The following ABL2 variants were observed in gnomAD, a reference collection of about 807,000 sequenced individuals.
The protein encoded by ABL2 is ABL proto-oncogene 2, non-receptor tyrosine kinase, also known as tyrosine-protein kinase ABL2.
Under a neutral mutation model 107.7 loss-of-function variants are expected in ABL2, and 49 were observed. That is an observed-to-expected ratio of 0.45 (90% confidence interval 0.36 to 0.58). The LOEUF is 0.58. Ranked by LOEUF, ABL2 falls within the 20% of genes least tolerant of loss-of-function variation. The probability of loss-of-function intolerance (pLI) is 0.00; values close to 1 mark genes in which losing one functional copy is unlikely to be tolerated. For synonymous variants in ABL2, 549 were observed against 548.6 expected, an observed-to-expected ratio of 1.00 and a Z score of -0.01; for missense variants, 1,245 against 1,457.0, an observed-to-expected ratio of 0.85 and a Z score of 2.37.
At chr1:179,134,556 C>CACCT (rs540462618) in intron 1 of ABL2, among the ~76,000 whole-genome samples, 38 of 152,232 alleles carry the variant, frequency 2.5e-4, no homozygotes, top group Admixed American at 2.4e-3. Context: ...CATCTGCGAA[C>CACCT]ACCTACTTTC....
Position 179,100,311 on chromosome 1 carries a change from C to T in ABL2, c.*7407G>A, listed in dbSNP as rs1424730531. Reference sequence around the variant, plus strand: ...TCTCTGTCCCCTGGCGTTCTTGCCACTCACAATACCTGGTATGGTACTTCT... The same window carrying T: ...TCTCTGTCCCCTGGCGTTCTTGCCATTCACAATACCTGGTATGGTACTTCT... On this transcript the variant is annotated 3_prime_UTR_variant, in exon 12 of 12. Coordinates refer to ENST00000502732, the MANE Select transcript of ABL2 (RefSeq NM_007314.4). The T allele has an allele frequency of 4.4e-6, 1 of 228,154 alleles. No homozygotes were observed. The highest frequency in any genetic ancestry group is 2.2e-5 in the African/African-American group (1 of 45,054). The allele number at this position is 228,154 out of a possible 1,614,324, so 14.1% of individuals were successfully genotyped here.
At chr1:179,185,131 A>T (rs1250036691) in intron 1 of ABL2, among the ~76,000 whole-genome samples, 1 of 152,144 alleles carries the variant, frequency 6.6e-6, no homozygotes, top group African/African-American at 2.4e-5. Flanking sequence ...AGCATTTACC[A>T]ATATGCATCT....
At chr1:179,135,504 C>T (rs538330515) in intron 1 of ABL2, among the ~76,000 whole-genome samples, 31 of 151,408 alleles carry the variant, frequency 2.0e-4, no homozygotes, top group African/African-American at 5.1e-4. Context: ...GCAGCCGCCC[C>T]GTCTGAGAAG....
At chr1:179,178,807 G>A (rs1488285286) in intron 1 of ABL2, among the ~76,000 whole-genome samples, 2 of 152,082 alleles carry the variant, frequency 1.3e-5, no homozygotes, top group East Asian at 3.9e-4. Context: ...TGAAGTAGGA[G>A]AATTGCTTGA....
intron 1 of ABL2, chr1:179,142,857 A>G: frequency 6.5e-7 from 1 of 1,530,232 alleles, no homozygotes; most frequent in South Asian, 1.2e-5. Context: ...GATAAGATGA[A>G]TTTTTTGAAA....
chr1:179,168,328 GATA>G (rs1221857829), intron 1 of ABL2, among the ~76,000 whole-genome samples: 1 of 151,994 alleles, frequency 6.6e-6, no homozygotes, highest in Non-Finnish European at 1.5e-5. Context: ...CTAGATTACT[GATA>G]ATATCTAATA....
intron 1 of ABL2, chr1:179,184,671 G>T: frequency 2.1e-6 from 1 of 473,148 alleles, no homozygotes; most frequent in South Asian, 2.2e-5. Context: ...AGGAAGGACA[G>T]TAGGGTGAAG....
chr1:179,229,318 G>C lies in ABL2; in HGVS notation c.80C>G (p.Ala27Gly). Reference sequence around the variant, plus strand: ...CCGCCTGCGGCCGGAGGGCCTGGCTGCACTGCTGCCCCGGATCCCGCGGGG... The same window carrying C: ...CCGCCTGCGGCCGGAGGGCCTGGCTCCACTGCTGCCCCGGATCCCGCGGGG... ...PQPRGIRGSSAARPSGRRRDP... is the reference protein window; with the variant it reads ...PQPRGIRGSSGARPSGRRRDP... Residue 27 changes from alanine to glycine, a missense_variant, in exon 1 of 12, where the codon GCA becomes GGA. Ala to Gly is a moderately conservative substitution (Grantham distance 60, BLOSUM62 0). Around this residue, in one of 3 missense-constraint regions of ABL2, gnomAD observed 164 missense variants for 143.7 expected, o/e 1.14. Coordinates refer to ENST00000502732, the MANE Select transcript of ABL2 (RefSeq NM_007314.4). The C allele has an allele frequency of 6.3e-7, 1 of 1,585,572 alleles. No individual in the cohort carries two copies. Among genetic ancestry groups the C allele is most frequent in the Non-Finnish European group, 8.6e-7 (1 of 1,168,496 alleles).
intron 1 of ABL2, among the ~76,000 whole-genome samples, chr1:179,156,934 A>T (rs1044609053): frequency 6.8e-6 from 1 of 147,812 alleles, no homozygotes; most frequent in Non-Finnish European, 1.5e-5. Context: ...AATAAATAAA[A>T]CTCTATTAAA....
intron 1 of ABL2, among the ~76,000 whole-genome samples, chr1:179,205,183 C>T (rs754801346): frequency 6.6e-6 from 1 of 152,104 alleles, no homozygotes; most frequent in Non-Finnish European, 1.5e-5. Context: ...TGTGCCACCA[C>T]ACCCAGCTAA....
At chr1:179,121,185 C>G (rs986239801) in intron 5 of ABL2, among the ~76,000 whole-genome samples, 1 of 152,086 alleles carries the variant, frequency 6.6e-6, no homozygotes, top group Non-Finnish European at 1.5e-5. Flanking sequence ...AAGAAGTGAT[C>G]TAACTGCAAA....
At chr1:179,136,249 C>T (rs61821677) in intron 1 of ABL2, among the ~76,000 whole-genome samples, 2 of 150,950 alleles carry the variant, frequency 1.3e-5, no homozygotes, top group Admixed American at 6.6e-5. Flanking sequence ...ATGACAATGG[C>T]GGTTTTGTGG....
intron 1 of ABL2, among the ~76,000 whole-genome samples, chr1:179,149,320 G>C (rs749318011): frequency 6.6e-6 from 1 of 152,216 alleles, no homozygotes; most frequent in East Asian, 1.9e-4. Flanking sequence ...AGAAAAGTTT[G>C]AAGGTAGCAG....
In ABL2 at chr1:179,229,628, CCCAACGCCGCCGCCGCCG is replaced by C; in HGVS notation, c.-249_-232del. On this transcript the variant is annotated 5_prime_UTR_variant, in exon 1 of 12. Coordinates refer to ENST00000502732, the MANE Select transcript of ABL2 (RefSeq NM_007314.4). ...CCTCCTCCTGTCGCGGCTCCGCGCC[CCCAACGCCGCCGCCGCCG>C]CCGCCGCCACCGCCGCCGCCATCTT... is the stretch of plus-strand genomic sequence containing the variant. The C allele has an allele frequency of 4.2e-6, 2 of 481,172 alleles. No homozygotes were observed. Among genetic ancestry groups the C allele is most frequent in the South Asian group, 3.0e-5 (1 of 32,826 alleles). The allele number at this position is 481,172 out of a possible 1,614,324, so 29.8% of individuals were successfully genotyped here.
At chr1:179,190,224 C>A (rs945295658) in intron 1 of ABL2, among the ~76,000 whole-genome samples, 1 of 152,118 alleles carries the variant, frequency 6.6e-6, no homozygotes, top group African/African-American at 2.4e-5. Context: ...ACTTCAGATG[C>A]CATTTCTGAT....
chr1:179,163,657 G>A (rs1659211149), intron 1 of ABL2, among the ~76,000 whole-genome samples: 1 of 152,204 alleles, frequency 6.6e-6, no homozygotes, highest in Non-Finnish European at 1.5e-5. Flanking sequence ...TGAGGCAGGA[G>A]AATCGCTTGA....
chr1:179,110,440 A>G lies in ABL2; in HGVS notation c.1667T>C (p.Leu556Pro). ...AGATGACGAGGAGGCGGCTCTCCCAAGCTCCTCAGCTACCTCTGTGAGGAA... is the reference window on the plus strand; with the variant it reads ...AGATGACGAGGAGGCGGCTCTCCCAGGCTCCTCAGCTACCTCTGTGAGGAA... ...SSISEEVAEE[L>P]GRAASSSSVV... Residue 556 changes from leucine (L) to proline (P), a missense_variant, in exon 11 of 12, where the codon CTT (leucine) becomes CCT (proline). Leu to Pro is a moderately conservative substitution (Grantham distance 98, BLOSUM62 -3). Around this residue, in one of 3 missense-constraint regions of ABL2, gnomAD observed 761 missense variants for 766.4 expected, o/e 0.99. Transcript: ENST00000502732. The G allele has an allele frequency of 6.2e-7, 1 of 1,613,122 alleles. No homozygotes were observed. The highest frequency in any genetic ancestry group is 8.5e-7 in the Non-Finnish European group (1 of 1,179,752).
chr1:179,197,484 A>G (rs1198392297), intron 1 of ABL2, among the ~76,000 whole-genome samples: 4 of 151,790 alleles, frequency 2.6e-5, no homozygotes, highest in Non-Finnish European at 5.9e-5. Flanking sequence ...TCAATTCACC[A>G]ATACATTATA....
intron 1 of ABL2, among the ~76,000 whole-genome samples, chr1:179,174,902 AAAAAAATAAAAT>A (rs1480401791): frequency 6.4e-5 from 8 of 124,876 alleles, no homozygotes; most frequent in East Asian, 4.8e-4. Flanking sequence ...TCTCAAAAAA[AAAAAAATAAAAT>A]AAAAAAAATA....
Sources: gnomAD v4.1 joint callset for allele counts (sites outside exome capture counted in the v4.1 genomes callset) on GRCh38, gnomAD v4.1.1 for gene constraint, gnomAD v4.1.1 regional missense constraint, MANE v1.5 for transcripts, NCBI Gene and HGNC (gene_info 2026-07-23, HGNC 2026-07-21) for gene names.